Variants in RPS6KA5 observed in about 807,000 individuals in gnomAD.
RPS6KA5 encodes ribosomal protein S6 kinase alpha-5.
A neutral mutation model predicts 85.5 loss-of-function variants in RPS6KA5; 27 were observed. The ratio of observed to expected loss-of-function variants is 0.32; its 90% CI spans 0.23 to 0.44. The LOEUF is 0.44. Ranked by LOEUF, RPS6KA5 falls within the 20% of genes least tolerant of loss-of-function variation. The probability of loss-of-function intolerance (pLI) is 1.00; values close to 1 mark genes in which losing one functional copy is unlikely to be tolerated. For missense variants in RPS6KA5, 811 were observed against 980.9 expected (o/e 0.83, Z 2.31); for synonymous variants, 334 against 348.2 (o/e 0.96, Z 0.46).
rs1356857154 is a variant in RPS6KA5, at chr14:90,851,674, G to A, written c.*20400C>T. The A allele has an allele frequency of 6.6e-6, 1 of 152,164 alleles. No homozygotes were observed. Among genetic ancestry groups the A allele is most frequent in the Non-Finnish European group, 1.5e-5 (1 of 68,042 alleles). The allele number at this position is 152,164 out of a possible 1,614,324, so 9.4% of individuals were successfully genotyped here. On this transcript the variant is annotated 3_prime_UTR_variant, in exon 17 of 17. Coordinates refer to ENST00000614987, the MANE Select transcript of RPS6KA5 (RefSeq NM_004755.4). ...TTTTACTCTTCACTTAAAACCAAGG[G>A]TTCAGGGAAAAAGGAAGGAATTAAG...
intron 5 of RPS6KA5, among the ~76,000 whole-genome samples, chr14:90,937,579 T>C (rs2037332196): frequency 6.6e-6 from 1 of 152,142 alleles, no homozygotes; most frequent in Non-Finnish European, 1.5e-5. Context: ...GATAAATACA[T>C]ATCCGAGACT....
In RPS6KA5 at chr14:91,060,500, C is replaced by G. The variant is rs142744185; in HGVS notation, c.-66G>C. Reference sequence around the variant, plus strand: ...AACCCAGGAGACAGCGGACGCCCGTCCCCTCGCAGCCGCTGCCGCGGCCCC... The same window carrying G: ...AACCCAGGAGACAGCGGACGCCCGTGCCCTCGCAGCCGCTGCCGCGGCCCC... On this transcript the variant is annotated 5_prime_UTR_variant, in exon 1 of 17. Coordinates refer to ENST00000614987, the MANE Select transcript of RPS6KA5 (RefSeq NM_004755.4). 15 of 1,266,506 alleles carry G rather than the reference C, an allele frequency of 1.2e-5. No individual in the cohort carries two copies. Among genetic ancestry groups the G allele is most frequent in the Middle Eastern group, 4.1e-4 (2 of 4,832 alleles). The allele number at this position is 1,266,506 out of a possible 1,614,324, so 78.5% of individuals were successfully genotyped here. A position where few individuals can be genotyped will look rare whatever the true frequency, so the allele number is the denominator to read the frequency against.
In RPS6KA5 at chr14:90,915,361, T is replaced by A. The variant is rs74973652; in HGVS notation, c.806+4845A>T. Among the ~76,000 whole-genome samples, 726 of 152,242 alleles carry A rather than the reference T, an allele frequency of 4.8e-3. 7 individuals are homozygous for A. Among genetic ancestry groups the A allele is most frequent in the African/African-American group, 0.017 (689 of 41,520 alleles). ...GATGATAGGATGTCAATTGCGTGAT[T>A]AGGTTACAAGGCATCCCATCTTCCT... On this transcript the variant is annotated intron_variant, in intron 7 of 16. Coordinates refer to ENST00000614987, the MANE Select transcript of RPS6KA5 (RefSeq NM_004755.4).
intron 1 of RPS6KA5, among the ~76,000 whole-genome samples, chr14:91,051,551 C>T (rs956495418): frequency 4.6e-5 from 7 of 152,012 alleles, no homozygotes; most frequent in East Asian, 1.9e-4. Context: ...TGCAATGGTG[C>T]GATCGCAGCT....
At chr14:91,017,735 T>C (rs1945753380) in intron 1 of RPS6KA5, among the ~76,000 whole-genome samples, 1 of 152,190 alleles carries the variant, frequency 6.6e-6, no homozygotes, top group Admixed American at 6.5e-5. Context: ...TAGCAAAATG[T>C]ATGCTTCCTG....
intron 1 of RPS6KA5, among the ~76,000 whole-genome samples, chr14:91,025,881 G>A (rs887586825): frequency 2.0e-5 from 3 of 151,958 alleles, no homozygotes; most frequent in African/African-American, 7.3e-5. Context: ...TACCTGTGTG[G>A]GTTCGTTATG....
intron 2 of RPS6KA5, among the ~76,000 whole-genome samples, chr14:90,983,972 T>C (rs1255863546): frequency 1.3e-5 from 2 of 152,038 alleles, no homozygotes; most frequent in African/African-American, 2.4e-5. Flanking sequence ...AGCCTCCGGA[T>C]TAGCTGGGAC....
At chr14:90,891,260 A>G (rs2034538653) in intron 13 of RPS6KA5, among the ~76,000 whole-genome samples, 2 of 150,874 alleles carry the variant, frequency 1.3e-5, no homozygotes, top group Non-Finnish European at 2.9e-5. Context: ...CATAAATAAA[A>G]TAGCTATATA....
At chr14:91,015,787 T>C (rs2041463072) in intron 1 of RPS6KA5, among the ~76,000 whole-genome samples, 1 of 152,236 alleles carries the variant, frequency 6.6e-6, no homozygotes, top group African/African-American at 2.4e-5. Flanking sequence ...TTCATAGGAC[T>C]ACAGCCAACT....
At chr14:90,970,108 A>G (rs369497332) in intron 3 of RPS6KA5, among the ~76,000 whole-genome samples, 2 of 152,168 alleles carry the variant, frequency 1.3e-5, no homozygotes, top group East Asian at 3.8e-4. Context: ...ATGTCATGCC[A>G]AAACCATCTC....
rs2032102671 is a variant in RPS6KA5 at position 90,853,285 on chromosome 14, AAAAAC to A, written c.*18784_*18788del. 6.6e-6 allele frequency: 1 copy of A among 152,222 alleles called. No individual in the cohort carries two copies. Among genetic ancestry groups the A allele is most frequent in the Non-Finnish European group, 1.5e-5 (1 of 68,042 alleles). 9.4% of individuals were successfully genotyped at this position (152,222 alleles called of 1,614,324 possible). ...TAGAAACTTCTTAGGTTATCACTCAAAAAACAAAACAAAAGCCAAAACCTAGCAGA... is the reference window on the plus strand; with the variant it reads ...TAGAAACTTCTTAGGTTATCACTCAAAAAACAAAAGCCAAAACCTAGCAGA... On this transcript the variant is annotated 3_prime_UTR_variant, in exon 17 of 17. Coordinates refer to ENST00000614987, the MANE Select transcript of RPS6KA5 (RefSeq NM_004755.4).
chr14:91,019,412 C>T (rs1419959322), intron 1 of RPS6KA5, among the ~76,000 whole-genome samples: 1 of 152,186 alleles, frequency 6.6e-6, no homozygotes, highest in Non-Finnish European at 1.5e-5. Context: ...AATTCTTCAG[C>T]ACAGTCTTCA....
At chr14:91,034,892 A>C (rs1276946709) in intron 1 of RPS6KA5, among the ~76,000 whole-genome samples, 1 of 152,032 alleles carries the variant, frequency 6.6e-6, no homozygotes, top group Non-Finnish European at 1.5e-5. Context: ...AAGTCAATCC[A>C]TTTAGTGGGC....
chr14:91,008,528 G>A (rs377376980), intron 1 of RPS6KA5, among the ~76,000 whole-genome samples: 3 of 152,198 alleles, frequency 2.0e-5, no homozygotes, highest in Admixed American at 6.5e-5. Flanking sequence ...TCTGGGCTAC[G>A]TGTTAGGTCT....
chr14:91,024,543 T>C (rs1360649910), intron 1 of RPS6KA5, among the ~76,000 whole-genome samples: 2 of 152,242 alleles, frequency 1.3e-5, no homozygotes, highest in East Asian at 3.8e-4. Context: ...TGAGGTTCAC[T>C]TTGTTTAATG....
chr14:90,873,044 C>G (rs2033222238), intron 16 of RPS6KA5, among the ~76,000 whole-genome samples: 1 of 151,946 alleles, frequency 6.6e-6, no homozygotes, highest in African/African-American at 2.4e-5. Flanking sequence ...ATCCCTATAC[C>G]TTCTCCTTTC....
chr14:90,962,961 T>C (rs1184568552), intron 3 of RPS6KA5, among the ~76,000 whole-genome samples: 1 of 152,330 alleles, frequency 6.6e-6, no homozygotes, highest in Middle Eastern at 3.4e-3. Context: ...ATCAGAGCCA[T>C]TAACCACGAT....
At chr14:90,948,000 T>C (rs73324694) in intron 3 of RPS6KA5, among the ~76,000 whole-genome samples, 24,807 of 152,244 alleles carry the variant, frequency 0.16, 2,373 homozygotes, top group East Asian at 0.32. Context: ...TTTTCCAGAA[T>C]TGTCTACATG....
intron 1 of RPS6KA5, among the ~76,000 whole-genome samples, chr14:91,017,679 G>T (rs1001598369): frequency 6.6e-6 from 1 of 152,190 alleles, no homozygotes; most frequent in Non-Finnish European, 1.5e-5. Context: ...GAATCAAGGG[G>T]TGGAAATTTG....
Sources: allele counts gnomAD v4.1 joint callset (sites outside exome capture counted in the v4.1 genomes callset), GRCh38; gene constraint gnomAD v4.1.1; transcripts MANE v1.5; gene names NCBI Gene and HGNC (gene_info 2026-07-23, HGNC 2026-07-21).